Variants in KCNQ1 observed in about 807,000 individuals in gnomAD.
KCNQ1 encodes potassium voltage-gated channel subfamily Q member 1.
Under a neutral mutation model 72.4 loss-of-function variants are expected in KCNQ1, and 49 were observed. That is an observed-to-expected ratio of 0.68 (90% CI 0.54 to 0.86). The LOEUF is 0.86. Ranked by LOEUF, KCNQ1 falls within the 40% of genes least tolerant of loss-of-function variation. KCNQ1 has a pLI of 0.00. For synonymous variants in KCNQ1, 450 were observed against 412.6 expected, an observed-to-expected ratio of 1.09 and a Z score of -1.10; for missense variants, 790 against 945.1, an observed-to-expected ratio of 0.84 and a Z score of 2.15.
At chr11:2,584,607 G>C (rs1305635097) in intron 7 of KCNQ1, among the ~76,000 whole-genome samples, 1 of 151,566 alleles carries the variant, frequency 6.6e-6, no homozygotes, top group East Asian at 1.9e-4. Flanking sequence ...GTGTGTGTTA[G>C]TGTGGGTTAC....
intron 1 of KCNQ1, among the ~76,000 whole-genome samples, chr11:2,523,082 G>A (rs893083022): frequency 9.2e-5 from 14 of 152,368 alleles, no homozygotes; most frequent in East Asian, 1.9e-4. Flanking sequence ...GCCCAGGCGC[G>A]TGGTATTTGC....
At chr11:2,797,824 C>T (rs543939439) in intron 15 of KCNQ1, among the ~76,000 whole-genome samples, 90 of 152,260 alleles carry the variant, frequency 5.9e-4, no homozygotes, top group Non-Finnish European at 1.0e-3. Context: ...GCTTGAGTGT[C>T]CCATCCTGTG....
In KCNQ1 at chr11:2,481,186, C is replaced by A. The variant is rs189125812; in HGVS notation, c.386+35702C>A. ...GATGACAATTCCAGTTACTCCTCAC[C>A]AGACATAAGAAAATGCTTTTAGTAG... On this transcript the variant is annotated intron_variant, in intron 1 of 15. Transcript: ENST00000155840. The surrounding 1 kb of genome is among the most constrained non-coding windows in gnomAD (Gnocchi z 4.6). 3.3e-5 allele frequency among the ~76,000 whole-genome samples: 5 copies of A among 152,246 alleles called. No individual in the cohort carries two copies. The East Asian group carries it at 9.6e-4, about 29-fold the overall frequency.
intron 2 of KCNQ1, among the ~76,000 whole-genome samples, chr11:2,554,026 C>A (rs913110642): frequency 6.6e-6 from 1 of 152,174 alleles, no homozygotes; most frequent in Non-Finnish European, 1.5e-5. Flanking sequence ...TGTCATGATG[C>A]GTTTTAAAAC....
In KCNQ1 at chr11:2,683,274, T is replaced by C; in HGVS notation, c.1514+21193T>C. ...CCTCCAGAACCTGTCAGCCTGAGTA[T>C]GGGCAATGGCGTTTTAGTTTGCAAA... On this transcript the variant is annotated intron_variant, in intron 11 of 15. Coordinates refer to ENST00000155840, the MANE Select transcript of KCNQ1 (RefSeq NM_000218.3). The surrounding 1 kb of genome is among the most constrained non-coding windows in gnomAD (Gnocchi z 4.7). The C allele has an allele frequency of 2.5e-6, 1 of 398,616 alleles. No individual in the cohort carries two copies. The allele number at this position is 398,616 out of a possible 1,614,324, so 24.7% of individuals were successfully genotyped here.
rs116226066 is a variant in KCNQ1 at position 2,505,458 on chromosome 11, G to A, written c.387-22470G>A. ...CACATGCATGCTGTGGTCATGGGTC[G>A]AGTGTTCTCTGCATGTTGGTTAGAT... On this transcript the variant is annotated intron_variant, in intron 1 of 15. Transcript: ENST00000155840. 1.0e-3 allele frequency among the ~76,000 whole-genome samples: 155 copies of A among 152,248 alleles called. 1 individual carries two copies. The highest frequency in any genetic ancestry group is 3.6e-3 in the African/African-American group (148 of 41,540).
chr11:2,724,261 G>T lies in KCNQ1; in HGVS notation c.1515-44583G>T, dbSNP rs565284410. 6.6e-6 allele frequency among the ~76,000 whole-genome samples: 1 copy of T among 152,138 alleles called. No individual in the cohort carries two copies. The highest frequency in any genetic ancestry group is 2.1e-4 in the South Asian group (1 of 4,824). The stretch of plus-strand genomic sequence containing the variant: ...GGACCCCTTTGCGGTGTCACCTTTC[G>T]GCATGTAACCACTTATTCTGTCAGG... On this transcript the variant is annotated intron_variant, in intron 11 of 15. Coordinates refer to ENST00000155840, the MANE Select transcript of KCNQ1 (RefSeq NM_000218.3). This position sits in a 1 kb window ranked among gnomAD's most constrained non-coding sequence, Gnocchi z 6.8.
chr11:2,535,175 G>A (rs1847709001), intron 2 of KCNQ1, among the ~76,000 whole-genome samples: 1 of 152,248 alleles, frequency 6.6e-6, no homozygotes, highest in African/African-American at 2.4e-5. Flanking sequence ...GGCTCTCGGA[G>A]CCTGTTCAGG....
chr11:2,577,343 C>T (rs549535078), intron 6 of KCNQ1, among the ~76,000 whole-genome samples: 7 of 152,304 alleles, frequency 4.6e-5, no homozygotes, highest in Admixed American at 1.3e-4. Flanking sequence ...AGGACTGTTT[C>T]GGCCCAGGAG....
intron 1 of KCNQ1, among the ~76,000 whole-genome samples, chr11:2,461,143 T>C (rs1489015327): frequency 6.6e-6 from 1 of 152,038 alleles, no homozygotes; most frequent in Non-Finnish European, 1.5e-5. Context: ...TTTGTCCTCA[T>C]GTGTCTCTGG....
chr11:2,467,954 A>G (rs1303114343), intron 1 of KCNQ1, among the ~76,000 whole-genome samples: 1 of 152,194 alleles, frequency 6.6e-6, no homozygotes, highest in Non-Finnish European at 1.5e-5. Context: ...GGGCTGGCCC[A>G]GCGTGGGGAC....
chr11:2,721,832 T>C (rs1350625910), intron 11 of KCNQ1, among the ~76,000 whole-genome samples: 1 of 152,192 alleles, frequency 6.6e-6, no homozygotes, highest in Non-Finnish European at 1.5e-5. Context: ...TGTCTGTCCA[T>C]CCATCCATCT....
At chr11:2,552,456 G>C (rs924441017) in intron 2 of KCNQ1, among the ~76,000 whole-genome samples, 8 of 152,134 alleles carry the variant, frequency 5.3e-5, no homozygotes. Context: ...CTTGATTACT[G>C]TGACTTTTAC....
intron 11 of KCNQ1, chr11:2,675,413 A>G: frequency 5.0e-6 from 2 of 398,674 alleles, no homozygotes; most frequent in Admixed American, 4.4e-5. Flanking sequence ...TAATTGAAAA[A>G]TATATTGTCA....
At chr11:2,583,925 G>A (rs554762931) in intron 7 of KCNQ1, among the ~76,000 whole-genome samples, 4 of 152,278 alleles carry the variant, frequency 2.6e-5, no homozygotes, top group Admixed American at 2.6e-4. Flanking sequence ...TTTGTTCCAT[G>A]TCCTTTCCAG....
Position 2,663,967 on chromosome 11 carries a change from C to T in KCNQ1, c.1514+1886C>T, listed in dbSNP as rs530212194. ...GATGACAGGGCCTGAGAGACCTGAACATCCATCCCCAAGCTCTCTGCCCAC... is the reference window on the plus strand; with the variant it reads ...GATGACAGGGCCTGAGAGACCTGAATATCCATCCCCAAGCTCTCTGCCCAC... On this transcript the variant is annotated intron_variant, in intron 11 of 15. Coordinates refer to ENST00000155840, the MANE Select transcript of KCNQ1 (RefSeq NM_000218.3). The surrounding 1 kb of genome is among the most constrained non-coding windows in gnomAD (Gnocchi z 5.2). 2.3e-5 allele frequency: 9 copies of T among 398,622 alleles called. No individual in the cohort carries two copies. The highest frequency in any genetic ancestry group is 3.5e-5 in the Non-Finnish European group (8 of 226,142). The allele number at this position is 398,622 out of a possible 1,614,324, so 24.7% of individuals were successfully genotyped here. A position where few individuals can be genotyped will look rare whatever the true frequency, so the allele number is the denominator to read the frequency against.
At position 2,720,633 on chromosome 11, in the gene KCNQ1, G is replaced by T. The variant is rs1173741522; in HGVS notation, c.1515-48211G>T. Among the ~76,000 whole-genome samples the T allele has an allele frequency of 6.6e-6, 1 of 152,094 alleles. No homozygotes were observed. The highest frequency in any genetic ancestry group is 6.5e-5 in the Admixed American group (1 of 15,282). ...TGGGGGTGTCAGCCTGGGTGTCAAG[G>T]CTGAAGAGGGGAGCCTCCTTGGCCA... is the stretch of plus-strand genomic sequence containing the variant. On this transcript the variant is annotated intron_variant, in intron 11 of 15. Transcript: ENST00000155840. This position sits in a 1 kb window ranked among gnomAD's most constrained non-coding sequence, Gnocchi z 5.1.
At chr11:2,672,199 T>A (rs747709345) in intron 11 of KCNQ1, 41 of 398,566 alleles carry the variant, frequency 1.0e-4, no homozygotes, top group Non-Finnish European at 1.7e-4. Flanking sequence ...TCCTGATTTG[T>A]TAAGTTAAAT....
intron 2 of KCNQ1, among the ~76,000 whole-genome samples, chr11:2,570,092 C>T (rs1172777180): frequency 4.0e-5 from 6 of 151,076 alleles, no homozygotes; most frequent in Admixed American, 2.6e-4. Context: ...GGAGGGCACC[C>T]GGGGTTCCTG....
Sources: gnomAD v4.1 joint callset for allele counts (sites outside exome capture counted in the v4.1 genomes callset) on GRCh38, gnomAD v4.1.1 for gene constraint, Gnocchi (gnomAD v3.1) non-coding constraint, MANE v1.5 for transcripts, NCBI Gene and HGNC (gene_info 2026-07-23, HGNC 2026-07-21) for gene names.